The following KCTD1 variants were observed in gnomAD, a reference collection of about 807,000 sequenced individuals.
KCTD1 encodes potassium channel tetramerization domain containing 1.
KCTD1 carries 24 observed loss-of-function variants against 66.0 expected under a neutral mutation model. That is an observed-to-expected ratio of 0.36 (90% CI 0.26 to 0.51). The LOEUF is 0.51. Among genes scored for constraint, KCTD1 ranks in the 20% least tolerant of loss-of-function variants. The pLI, the probability that KCTD1 is intolerant of heterozygous loss-of-function variation, is 0.95. For missense variants in KCTD1, 943 were observed against 1,205.2 expected, an observed-to-expected ratio of 0.78 and a Z score of 3.22; for synonymous variants, 511 against 517.2, an observed-to-expected ratio of 0.99 and a Z score of 0.16.
intron 2 of KCTD1, among the ~76,000 whole-genome samples, chr18:26,486,847 CA>C: frequency 6.6e-6 from 1 of 152,300 alleles, no homozygotes; most frequent in South Asian, 2.1e-4. Context: ...TTCAATTTAA[CA>C]ATTTTTCCCA....
chr18:26,510,252 G>A (rs552274766), intron 1 of KCTD1, among the ~76,000 whole-genome samples: 2 of 152,336 alleles, frequency 1.3e-5, no homozygotes, highest in South Asian at 2.1e-4. Flanking sequence ...TGGACAAAGT[G>A]TATGAAAGGA....
intron 1 of KCTD1, among the ~76,000 whole-genome samples, chr18:26,590,172 C>T (rs908433941): frequency 1.3e-5 from 2 of 152,054 alleles, no homozygotes; most frequent in Non-Finnish European, 2.9e-5. Context: ...CAACCTCTGC[C>T]TCCTGGGTTC....
chr18:26,459,880 G>A lies in KCTD1; in HGVS notation c.2179C>T (p.Pro727Ser), dbSNP rs1461292975. ...YEEAKYFQLQ[P>S]MLLEMERWKQ... ...CATCTTTCCATCTCCAACAACATGG[G>A]CTGAAGCTGAAAATATTTTGCCTCT... Residue 727 changes from proline to serine, a missense_variant, in exon 4 of 5, where the codon CCC becomes TCC. This residue lies in a region of KCTD1 where 162 missense variants were observed against 232.4 expected (regional missense o/e 0.70). Coordinates refer to ENST00000580059, the MANE Select transcript of KCTD1 (RefSeq NM_001142730.3). The A allele has an allele frequency of 3.7e-6, 6 of 1,606,058 alleles. No individual in the cohort carries two copies. Among genetic ancestry groups the A allele is most frequent in the Non-Finnish European group, 5.1e-6 (6 of 1,176,022 alleles).
Position 26,476,748 on chromosome 18 carries a change from T to C in KCTD1, c.1989-89A>G. The C allele has an allele frequency of 8.2e-7, 1 of 1,226,084 alleles. No individual in the cohort carries two copies. The highest frequency in any genetic ancestry group is 1.2e-6 in the Non-Finnish European group (1 of 861,624). 76.0% of individuals were successfully genotyped at this position (1,226,084 alleles called of 1,614,324 possible). On this transcript the variant is annotated intron_variant, in intron 2 of 4. Coordinates refer to ENST00000580059, the MANE Select transcript of KCTD1 (RefSeq NM_001142730.3). This position sits in a 1 kb window ranked among gnomAD's most constrained non-coding sequence, Gnocchi z 4.9. ...AGGTGTCTTTTATCACTGTCAAAGGTAGCACTTTTGAAGATGGCAGTAGGG... is the reference window on the plus strand; with the variant it reads ...AGGTGTCTTTTATCACTGTCAAAGGCAGCACTTTTGAAGATGGCAGTAGGG...
chr18:26,501,305 G>A, intron 1 of KCTD1, 55 bp from the exon 2 acceptor site: 1 of 1,442,788 alleles, frequency 6.9e-7, no homozygotes. Flanking sequence ...AGAAAGATAG[G>A]AAATACATAT....
chr18:26,576,446 AC>A (rs1170507151), intron 1 of KCTD1, among the ~76,000 whole-genome samples: 1 of 152,236 alleles, frequency 6.6e-6, no homozygotes, highest in Non-Finnish European at 1.5e-5. Context: ...GTATAAAAAT[AC>A]ATTTGAATGT....
rs533359603 is a variant in KCTD1, at chr18:26,532,261, C to CTTTTTTTT, written c.1809+14459_1809+14466dup. 2.2e-3 allele frequency among the ~76,000 whole-genome samples: 65 copies of CTTTTTTTT among 29,552 alleles called. 1 individual carries two copies. The highest frequency in any genetic ancestry group is 4.0e-3 in the African/African-American group (62 of 15,384). 19.4% of individuals were successfully genotyped at this position (29,552 alleles called of 152,430 possible). A position where few individuals can be genotyped will look rare whatever the true frequency, so the allele number is the denominator to read the frequency against. On this transcript the variant is annotated intron_variant, in intron 1 of 4. Coordinates refer to ENST00000580059, the MANE Select transcript of KCTD1 (RefSeq NM_001142730.3). ...CTTTTTCTTTTTCTTTTCTTTCCTT[C>CTTTTTTTT]TTTTTTTTTTTTTTTTTTTTTTTTT...
upstream of KCTD1, among the ~76,000 whole-genome samples, chr18:26,551,290 G>GCTTCCC (rs1392657053): frequency 1.3e-5 from 2 of 152,202 alleles, no homozygotes; most frequent in Non-Finnish European, 2.9e-5. Context: ...ACTGGCAAAA[G>GCTTCCC]TCAGGGGAAG....
chr18:26,554,187 AAAG>A lies in KCTD1; in HGVS notation c.-15-52940_-15-52938del, dbSNP rs980087940. Among the ~76,000 whole-genome samples, 31 of 127,314 alleles carry A rather than the reference AAAG, an allele frequency of 2.4e-4. 3 individuals carry two copies. Among genetic ancestry groups the A allele is most frequent in the South Asian group, 9.2e-4 (4 of 4,332 alleles). 83.5% of individuals were successfully genotyped at this position (127,314 alleles called of 152,430 possible). On this transcript the variant is annotated intron_variant, in intron 1 of 4. Coordinates refer to the KCTD1 transcript ENST00000317932. Reference sequence around the variant, plus strand: ...AAAGAAAAAGAAAGAAGGAAGGAAAAAAGAAAGAAAAGAGAATCTTCAAGGGAA... The same window carrying A: ...AAAGAAAAAGAAAGAAGGAAGGAAAAAAAGAAAAGAGAATCTTCAAGGGAA...
At position 26,547,208 on chromosome 18, in the gene KCTD1, C is replaced by T; in HGVS notation, c.1329G>A (p.Lys443=). The T allele has an allele frequency of 6.4e-7, 1 of 1,551,136 alleles. No homozygotes were observed. ...TRMQMLSKAA[K]LSKTYTNHCI... is the part of the protein sequence containing the mutation. ...AGTGGTTGGTGTAGGTCTTGGAGAGCTTGGCCGCCTTGGAGAGCATCTGCA... is the reference window on the plus strand; with the variant it reads ...AGTGGTTGGTGTAGGTCTTGGAGAGTTTGGCCGCCTTGGAGAGCATCTGCA... The change falls in exon 1 of 5, where the codon AAG becomes AAA. Residue 443 remains lysine, a synonymous_variant. Coordinates refer to ENST00000580059, the MANE Select transcript of KCTD1 (RefSeq NM_001142730.3).
At chr18:26,652,231 T>A (rs1338001429) in intron 1 of KCTD1, among the ~76,000 whole-genome samples, 1 of 152,114 alleles carries the variant, frequency 6.6e-6, no homozygotes, top group African/African-American at 2.4e-5. Context: ...GTAAGGCAGG[T>A]TAGAGAGATG....
At position 26,459,935 on chromosome 18, in the gene KCTD1, A is replaced by AG. The variant is rs1433597079; in HGVS notation, c.2134-11_2134-10insC. ...ATAACAAAGTGTAGTCCTGGAAAAA[A>AG]AAAAGGTATTTCACAGTGCAAACTG... is the stretch of plus-strand genomic sequence containing the variant. On this transcript the variant is annotated splice_polypyrimidine_tract_variant and intron_variant, in intron 3 of 4. Transcript: ENST00000580059. 1 of 1,553,012 alleles carries AG rather than the reference A, an allele frequency of 6.4e-7. No individual in the cohort carries two copies. Among genetic ancestry groups the AG allele is most frequent in the East Asian group, 2.3e-5 (1 of 44,270 alleles).
At chr18:26,654,016 A>G (rs1988082622) in intron 1 of KCTD1, among the ~76,000 whole-genome samples, 1 of 152,276 alleles carries the variant, frequency 6.6e-6, no homozygotes, top group Non-Finnish European at 1.5e-5. Flanking sequence ...GTTCACAAAC[A>G]TCATTTGAAT....
upstream of KCTD1, among the ~76,000 whole-genome samples, chr18:26,550,798 T>G (rs1299770763): frequency 6.6e-6 from 1 of 152,198 alleles, no homozygotes; most frequent in Non-Finnish European, 1.5e-5. The surrounding 1 kb of genome is among the most constrained non-coding windows in gnomAD (Gnocchi z 5.4). Context: ...GACCCCCACA[T>G]ACGAGCTGGC....
chr18:26,626,103 A>G (rs968547842), intron 1 of KCTD1, among the ~76,000 whole-genome samples: 2 of 152,004 alleles, frequency 1.3e-5, no homozygotes, highest in African/African-American at 4.8e-5. Flanking sequence ...AGACATGGAA[A>G]GACACTGGAT....
chr18:26,551,200 C>T (rs1985555319), upstream of KCTD1, among the ~76,000 whole-genome samples: 1 of 152,168 alleles, frequency 6.6e-6, no homozygotes, highest in Non-Finnish European at 1.5e-5. Context: ...CAAAACAGCT[C>T]CCAGTTGACG....
chr18:26,656,671 G>A (rs1413475888), intron 1 of KCTD1, among the ~76,000 whole-genome samples: 1 of 151,356 alleles, frequency 6.6e-6, no homozygotes, highest in Non-Finnish European at 1.5e-5. Context: ...CGTCTTTCAC[G>A]GGGCGTCCGG....
intron 4 of KCTD1, chr18:26,458,983 A>C (rs1226156057): frequency 1.3e-5 from 2 of 152,282 alleles, no homozygotes; most frequent in Admixed American, 1.3e-4. Flanking sequence ...CAAACGAACC[A>C]AAACCAAAAG....
chr18:26,599,068 CA>C (rs1469631835), intron 1 of KCTD1, among the ~76,000 whole-genome samples: 2 of 152,112 alleles, frequency 1.3e-5, no homozygotes, highest in Admixed American at 6.6e-5. Context: ...ATACTATTGA[CA>C]AATCCAAGAT....
Sources: gnomAD v4.1 joint callset for allele counts (sites outside exome capture counted in the v4.1 genomes callset) on GRCh38, gnomAD v4.1.1 for gene constraint, gnomAD v4.1.1 regional missense constraint, Gnocchi (gnomAD v3.1) non-coding constraint, MANE v1.5 for transcripts, NCBI Gene and HGNC (gene_info 2026-07-23, HGNC 2026-07-21) for gene names.